DEPTOR: variants seen among roughly 807,000 people sequenced by gnomAD.
The protein encoded by DEPTOR is DEP domain-containing mTOR-interacting protein.
DEPTOR carries 41 observed loss-of-function variants against 41.6 expected under a neutral mutation model. That is an observed-to-expected ratio of 0.98 (90% confidence interval 0.77 to 1.28). DEPTOR has a LOEUF of 1.28. Ranked by LOEUF, DEPTOR falls within the 50% of genes most tolerant of loss-of-function variation. The probability of loss-of-function intolerance (pLI) is 0.00; values close to 1 mark genes in which losing one functional copy is unlikely to be tolerated. For missense variants in DEPTOR, 514 were observed against 527.9 expected (o/e 0.97, Z 0.26); for synonymous variants, 195 against 192.3 (o/e 1.01, Z -0.12).
intron 8 of DEPTOR, among the ~76,000 whole-genome samples, chr8:120,028,313 G>A (rs569230814): frequency 1.2e-4 from 18 of 150,188 alleles, no homozygotes; most frequent in African/African-American, 4.2e-4. Context: ...GAGCCACTAC[G>A]CCTGGCCTAA....
At chr8:120,016,157 AAG>A in intron 8 of DEPTOR, among the ~76,000 whole-genome samples, 2 of 152,296 alleles carry the variant, frequency 1.3e-5, no homozygotes, top group Admixed American at 1.3e-4. Flanking sequence ...CAGAGAGAGC[AAG>A]AGCAAGTTCT....
At chr8:119,972,825 A>G (rs1347459783) in intron 4 of DEPTOR, among the ~76,000 whole-genome samples, 2 of 152,194 alleles carry the variant, frequency 1.3e-5, no homozygotes, top group Non-Finnish European at 2.9e-5. Flanking sequence ...AGCCTGGCAG[A>G]TATTTATACT....
chr8:120,034,872 G>A (rs1474871412), intron 8 of DEPTOR, among the ~76,000 whole-genome samples: 1 of 152,170 alleles, frequency 6.6e-6, no homozygotes, highest in African/African-American at 2.4e-5. Context: ...GTGTTAAATA[G>A]TTATTGATAA....
At chr8:119,966,507 C>T (rs1828563522) in intron 4 of DEPTOR, among the ~76,000 whole-genome samples, 1 of 152,140 alleles carries the variant, frequency 6.6e-6, no homozygotes, top group Non-Finnish European at 1.5e-5. Flanking sequence ...TTGTTTAAGG[C>T]AGAGTCTCCT....
At chr8:119,934,036 T>C (rs1416961545) in intron 3 of DEPTOR, among the ~76,000 whole-genome samples, 1 of 152,114 alleles carries the variant, frequency 6.6e-6, no homozygotes, top group Non-Finnish European at 1.5e-5. Context: ...TGTGCCACCA[T>C]ACCTGGCTAA....
intron 1 of DEPTOR, among the ~76,000 whole-genome samples, chr8:119,924,033 A>G (rs1827933170): frequency 6.6e-6 from 1 of 152,138 alleles, no homozygotes; most frequent in Non-Finnish European, 1.5e-5. Flanking sequence ...AAATAAAGGC[A>G]GGTGACATCT....
chr8:119,950,519 A>G (rs931516368), intron 3 of DEPTOR, among the ~76,000 whole-genome samples: 13 of 152,006 alleles, frequency 8.6e-5, no homozygotes, highest in African/African-American at 3.1e-4. Context: ...AGGTTCAAGC[A>G]ATTCTCTTGC....
intron 8 of DEPTOR, among the ~76,000 whole-genome samples, chr8:120,022,102 G>T (rs1342047258): frequency 7.1e-6 from 1 of 141,822 alleles, no homozygotes; most frequent in Non-Finnish European, 1.5e-5. Context: ...AGGTTACAGC[G>T]AACTGTGATC....
chr8:119,928,415 A>G lies in DEPTOR; in HGVS notation c.138A>G (p.Glu46=). The change falls in exon 2 of 9, where the codon GAA becomes GAG. Residue 46 remains glutamate, a synonymous_variant. Transcript: ENST00000286234. ...TGEQLRLRLH[E]EKVIKDRRHH... is the part of the protein sequence containing the mutation. ...TTTCTTTCAGGCTCAGGCTGCACGA[A>G]GAAAAGGTTATTAAAGATAGACGTC... The G allele has an allele frequency of 1.9e-6, 3 of 1,612,606 alleles. No individual in the cohort carries two copies. The highest frequency in any genetic ancestry group is 1.7e-4 in the Middle Eastern group (1 of 6,050).
At chr8:119,975,033 G>T (rs1828680722) in intron 4 of DEPTOR, among the ~76,000 whole-genome samples, 1 of 151,896 alleles carries the variant, frequency 6.6e-6, no homozygotes, top group Non-Finnish European at 1.5e-5. Flanking sequence ...CTGCATGGTG[G>T]CTCACACTTG....
intron 1 of DEPTOR, among the ~76,000 whole-genome samples, chr8:119,888,576 G>A (rs1342888051): frequency 1.3e-5 from 2 of 151,796 alleles, no homozygotes; most frequent in African/African-American, 4.8e-5. Flanking sequence ...TTTATCCAAG[G>A]CTGGCACGGT....
intron 1 of DEPTOR, among the ~76,000 whole-genome samples, chr8:119,885,431 T>C (rs1308833674): frequency 6.6e-6 from 1 of 152,206 alleles, no homozygotes; most frequent in Admixed American, 6.5e-5. Flanking sequence ...AATTACCTAA[T>C]GTATGACTCT....
At chr8:119,935,239 C>T (rs970229479) in intron 3 of DEPTOR, among the ~76,000 whole-genome samples, 2 of 152,190 alleles carry the variant, frequency 1.3e-5, no homozygotes, top group Admixed American at 6.5e-5. Context: ...ACACTCAACA[C>T]ATGAACATAA....
intron 8 of DEPTOR, among the ~76,000 whole-genome samples, chr8:120,016,362 G>A (rs1302817094): frequency 1.3e-5 from 2 of 151,344 alleles, no homozygotes; most frequent in Non-Finnish European, 2.9e-5. Flanking sequence ...GTAATGGCCC[G>A]ATCTCAGCTC....
chr8:119,941,271 G>A (rs1047587447), intron 3 of DEPTOR, among the ~76,000 whole-genome samples: 1 of 150,850 alleles, frequency 6.6e-6, no homozygotes, highest in Middle Eastern at 3.2e-3. Flanking sequence ...TTCTTGGGAG[G>A]CTGAGGCGAG....
chr8:120,045,348 C>T (rs1208495263), intron 8 of DEPTOR, among the ~76,000 whole-genome samples: 1 of 152,084 alleles, frequency 6.6e-6, no homozygotes, highest in East Asian at 1.9e-4. Flanking sequence ...TGACCTTTTT[C>T]TGTTTTTCTA....
At chr8:119,926,952 C>G (rs80073386) in intron 1 of DEPTOR, among the ~76,000 whole-genome samples, 1 of 152,162 alleles carries the variant, frequency 6.6e-6, no homozygotes, top group African/African-American at 2.4e-5. Context: ...GTCATAAATT[C>G]CATGCCCAAA....
chr8:120,012,788 G>A (rs916478267), intron 8 of DEPTOR, among the ~76,000 whole-genome samples: 1 of 152,044 alleles, frequency 6.6e-6, no homozygotes, highest in Non-Finnish European at 1.5e-5. Context: ...GCCTGCCTCG[G>A]CCTCCCAAAG....
At chr8:119,997,187 C>T (rs1337479977) in intron 4 of DEPTOR, among the ~76,000 whole-genome samples, 1 of 152,122 alleles carries the variant, frequency 6.6e-6, no homozygotes, top group East Asian at 1.9e-4. Context: ...TCAAGCGATC[C>T]TCCCATTTCA....
Sources: allele counts gnomAD v4.1 joint callset (sites outside exome capture counted in the v4.1 genomes callset), GRCh38; gene constraint gnomAD v4.1.1; transcripts MANE v1.5; gene names NCBI Gene and HGNC (gene_info 2026-07-23, HGNC 2026-07-21).